DAB1: variants seen among roughly 807,000 people sequenced by gnomAD.
The protein encoded by DAB1 is DAB adaptor protein 1.
In DAB1, 15 loss-of-function variants were observed where a neutral mutation model predicts 64.6. The ratio of observed to expected loss-of-function variants is 0.23; its 90% CI spans 0.16 to 0.36. The LOEUF is 0.36. Ranked by LOEUF, DAB1 falls within the 10% of genes least tolerant of loss-of-function variation. DAB1 has a pLI of 1.00. For synonymous variants in DAB1, 235 were observed against 251.9 expected (o/e 0.93, Z 0.64); for missense variants, 596 against 706.7 (o/e 0.84, Z 1.78).
chr1:58,064,684 T>A (rs58537714), intron 5 of DAB1, among the ~76,000 whole-genome samples: 16 of 111,558 alleles, frequency 1.4e-4, no homozygotes, highest in East Asian at 8.1e-4. Flanking sequence ...GATAAATTTT[T>A]TTATTTATTT....
chr1:57,848,366 A>T (rs1047493832), intron 1 of DAB1, among the ~76,000 whole-genome samples: 2 of 152,280 alleles, frequency 1.3e-5, no homozygotes, highest in Non-Finnish European at 2.9e-5. Flanking sequence ...AGATACTACA[A>T]TTCTAAATCA....
chr1:57,274,402 C>T (rs1452847779), intron 2 of DAB1, among the ~76,000 whole-genome samples: 1 of 152,174 alleles, frequency 6.6e-6, no homozygotes, highest in Non-Finnish European at 1.5e-5. Flanking sequence ...TTTCAGTTTC[C>T]TCTTTTAAAA....
At chr1:58,018,115 C>A (rs1408322334) in intron 5 of DAB1, among the ~76,000 whole-genome samples, 1 of 138,740 alleles carries the variant, frequency 7.2e-6, no homozygotes, top group Non-Finnish European at 1.6e-5. Context: ...TTACTGCATT[C>A]TAAGTGCTTT....
chr1:57,360,934 C>T (rs569964540), intron 1 of DAB1, among the ~76,000 whole-genome samples: 31 of 152,144 alleles, frequency 2.0e-4, no homozygotes, highest in Non-Finnish European at 3.7e-4. Flanking sequence ...TTTTATATGT[C>T]GCCTATTATG....
At chr1:58,038,842 T>G (rs1647088302) in intron 5 of DAB1, among the ~76,000 whole-genome samples, 1 of 152,220 alleles carries the variant, frequency 6.6e-6, no homozygotes, top group Admixed American at 6.5e-5. Flanking sequence ...GAAAGTTAAA[T>G]ATGTGCTATG....
At chr1:58,308,128 AT>A (rs1662347030) in intron 4 of DAB1, among the ~76,000 whole-genome samples, 1 of 152,134 alleles carries the variant, frequency 6.6e-6, no homozygotes, top group Admixed American at 6.5e-5. Flanking sequence ...CAGGAAACAC[AT>A]TGCTCCAGGG....
chr1:58,359,984 C>T (rs970941809), intron 3 of DAB1, among the ~76,000 whole-genome samples: 10 of 152,164 alleles, frequency 6.6e-5, no homozygotes, highest in East Asian at 5.8e-4. Context: ...TATCAACTAC[C>T]TTGCTTGCCC....
chr1:57,683,283 C>T (rs531487972), intron 6 of DAB1, among the ~76,000 whole-genome samples: 4 of 152,216 alleles, frequency 2.6e-5, no homozygotes, highest in Non-Finnish European at 4.4e-5. Context: ...TCTGCCCGAG[C>T]GAGCCCCACA....
intron 6 of DAB1, among the ~76,000 whole-genome samples, chr1:57,684,478 T>C (rs1646671570): frequency 6.6e-6 from 1 of 152,232 alleles, no homozygotes; most frequent in African/African-American, 2.4e-5. Flanking sequence ...ATTTTCAGTA[T>C]CCTTAAAAAA....
chr1:58,220,872 TACAC>T (rs373869896), intron 4 of DAB1, among the ~76,000 whole-genome samples: 10 of 146,812 alleles, frequency 6.8e-5, no homozygotes, highest in South Asian at 2.1e-4. Context: ...TATACATATA[TACAC>T]ACACACACAC....
intron 2 of DAB1, among the ~76,000 whole-genome samples, chr1:57,192,399 T>C (rs1664221817): frequency 6.6e-6 from 1 of 152,048 alleles, no homozygotes; most frequent in Non-Finnish European, 1.5e-5. Context: ...GCCCTTCCAC[T>C]TACTAGATGT....
chr1:57,831,895 T>C (rs1015706263), intron 1 of DAB1, among the ~76,000 whole-genome samples: 5 of 152,284 alleles, frequency 3.3e-5, no homozygotes, highest in East Asian at 1.9e-4. Context: ...GAACATACTA[T>C]GTGCAAGAGA....
At chr1:57,137,344 A>G (rs1464477987) in intron 3 of DAB1, among the ~76,000 whole-genome samples, 1 of 152,198 alleles carries the variant, frequency 6.6e-6, no homozygotes, top group Non-Finnish European at 1.5e-5. Flanking sequence ...TTGGGGTGTT[A>G]CTTTGTCCAC....
At chr1:57,092,649 G>A (rs1210092179) in intron 4 of DAB1, among the ~76,000 whole-genome samples, 1 of 129,090 alleles carries the variant, frequency 7.7e-6, no homozygotes, top group Admixed American at 9.2e-5. Context: ...GTGTGAGAAC[G>A]AACAAACAGT....
At chr1:58,079,843 T>C (rs1649886654) in intron 5 of DAB1, among the ~76,000 whole-genome samples, 1 of 152,172 alleles carries the variant, frequency 6.6e-6, no homozygotes, top group African/African-American at 2.4e-5. Flanking sequence ...TTAATTGCCT[T>C]ATTTTCATAT....
At chr1:58,299,121 C>A (rs879862239) in intron 4 of DAB1, among the ~76,000 whole-genome samples, 1 of 152,172 alleles carries the variant, frequency 6.6e-6, no homozygotes, top group Non-Finnish European at 1.5e-5. Context: ...GATAAAGGAA[C>A]TTTTACCCTA....
chr1:57,557,828 C>T (rs1470021662), intron 7 of DAB1, among the ~76,000 whole-genome samples: 1 of 152,174 alleles, frequency 6.6e-6, no homozygotes, highest in Non-Finnish European at 1.5e-5. Context: ...TGGTTGGTTG[C>T]TCCTAAGTTC....
At chr1:58,029,068 AT>A (rs1174453409) in intron 5 of DAB1, among the ~76,000 whole-genome samples, 1 of 152,196 alleles carries the variant, frequency 6.6e-6, no homozygotes, top group African/African-American at 2.4e-5. Context: ...AAGGGTTGTT[AT>A]AAGAAGGTTC....
chr1:57,634,508 G>A (rs968659861), intron 7 of DAB1, among the ~76,000 whole-genome samples: 1 of 152,300 alleles, frequency 6.6e-6, no homozygotes, highest in East Asian at 1.9e-4. Flanking sequence ...CAAATGAAAT[G>A]ATCACTGCAG....
Sources: allele counts gnomAD v4.1 joint callset (sites outside exome capture counted in the v4.1 genomes callset), GRCh38; gene constraint gnomAD v4.1.1; transcripts MANE v1.5; gene names NCBI Gene and HGNC (gene_info 2026-07-23, HGNC 2026-07-21).